ADGRG4: variants seen among roughly 807,000 people sequenced by gnomAD.
ADGRG4 encodes G protein-coupled receptor 112.
A neutral mutation model predicts 126.2 loss-of-function variants in ADGRG4; 122 were observed. The ratio of observed to expected loss-of-function variants is 0.97; its 90% confidence interval spans 0.83 to 1.12. The LOEUF (loss-of-function observed/expected upper bound fraction) is 1.12, where lower values mean the gene tolerates loss of function less well. ADGRG4 is among the 50% of genes most tolerant of loss of function. ADGRG4 has a pLI of 0.00. For missense variants in ADGRG4, 2,481 were observed against 2,251.8 expected, an observed-to-expected ratio of 1.10 and a Z score of -2.06; for synonymous variants, 943 against 838.7, an observed-to-expected ratio of 1.12 and a Z score of -2.15.
intron 8 of ADGRG4, among the ~76,000 whole-genome samples, chrX:136,355,300 C>T (rs979702308): frequency 3.6e-5 from 4 of 110,546 alleles, no homozygotes; most frequent in African/African-American, 1.3e-4. Flanking sequence ...ATGAGAGTTC[C>T]ACCTTCATGA....
At position 136,348,904 on chromosome X, in the gene ADGRG4, C is replaced by T; in HGVS notation, c.5198C>T (p.Thr1733Ile). 1 of 1,203,089 alleles carries T rather than the reference C, an allele frequency of 8.3e-7. No homozygotes were observed. The highest frequency in any genetic ancestry group is 1.1e-6 in the Non-Finnish European group (1 of 888,601). The change falls in exon 6 of 26, where the codon ACA becomes ATA. Residue 1733 changes from threonine (T) to isoleucine (I), a missense_variant. Thr to Ile is a moderately conservative substitution (Grantham distance 89). Transcript: ENST00000394143. Reference protein sequence around the residue: ...NRSLSTVNSGTGVALTDTYSR... With the variant: ...NRSLSTVNSGIGVALTDTYSR... ...TCCCTATCTACTGTGAACAGTGGTA[C>T]AGGGGTAGCTCTCACAGATACTTAT...
At chrX:136,314,093 C>G (rs1194196032) in intron 4 of ADGRG4, among the ~76,000 whole-genome samples, 1 of 110,829 alleles carries the variant, frequency 9.0e-6, no homozygotes, top group African/African-American at 3.3e-5. Flanking sequence ...TTTCTTCTCT[C>G]TCTCTCTTTT....
chrX:136,349,648 C>A lies in ADGRG4; in HGVS notation c.5942C>A (p.Ser1981Tyr), dbSNP rs752220636. 1 of 1,207,977 alleles carries A rather than the reference C, an allele frequency of 8.3e-7. No individual in the cohort carries two copies. The highest frequency in any genetic ancestry group is 1.8e-5 in the African/African-American group (1 of 56,882). Residue 1981 changes from serine (S) to tyrosine (Y), a missense_variant, in exon 6 of 26, where the codon TCT becomes TAT. Coordinates refer to ENST00000394143, the MANE Select transcript of ADGRG4 (RefSeq NM_153834.4). ...VKHTFEKMTTSVTPGTTLPSI... is the reference protein window; with the variant it reads ...VKHTFEKMTTYVTPGTTLPSI... ...CACACATTTGAGAAAATGACCACAT[C>A]TGTAACTCCTGGGACCACACTCCCA...
chrX:136,406,168 T>C lies in ADGRG4; in HGVS notation c.8935+196T>C, dbSNP rs755547090. ...TAACCCAACTTTAGGTAATTGGAAATGTCTATATCAAACACTGATTGGCAA... is the reference window on the plus strand; with the variant it reads ...TAACCCAACTTTAGGTAATTGGAAACGTCTATATCAAACACTGATTGGCAA... On this transcript the variant is annotated intron_variant, in intron 23 of 25. Transcript: ENST00000394143. Among the ~76,000 whole-genome samples, 11 of 112,466 alleles carry C rather than the reference T, an allele frequency of 9.8e-5. No homozygotes were observed. The South Asian group carries it at 4.1e-3, about 42-fold the overall frequency.
chrX:136,409,396 T>A (rs992447231), intron 23 of ADGRG4, among the ~76,000 whole-genome samples: 3 of 111,501 alleles, frequency 2.7e-5, no homozygotes, highest in African/African-American at 9.8e-5. Flanking sequence ...TCATTGGAAT[T>A]CACAGAATAA....
intron 15 of ADGRG4, among the ~76,000 whole-genome samples, chrX:136,385,315 A>G (rs1239363137): frequency 2.7e-5 from 3 of 111,764 alleles, no homozygotes; most frequent in Non-Finnish European, 5.6e-5. Context: ...ATGTGAGACC[A>G]TGGATATGTT....
At chrX:136,335,486 A>T (rs924665047) in intron 5 of ADGRG4, among the ~76,000 whole-genome samples, 2 of 110,988 alleles carry the variant, frequency 1.8e-5, no homozygotes, top group African/African-American at 6.5e-5. Flanking sequence ...CAGTGAAATC[A>T]TGTGGGCCTG....
rs142624078 is a variant in ADGRG4, at chrX:136,403,043, G to A, written c.8576-201G>A. On this transcript the variant is annotated intron_variant, in intron 21 of 25. Coordinates refer to ENST00000394143, the MANE Select transcript of ADGRG4 (RefSeq NM_153834.4). Reference sequence around the variant, plus strand: ...GTTGTATTGGAGCCATTGGCATGCTGTCTAGTTTAGCAGATTGGAGAACTC... The same window carrying A: ...GTTGTATTGGAGCCATTGGCATGCTATCTAGTTTAGCAGATTGGAGAACTC... 5.8e-3 allele frequency among the ~76,000 whole-genome samples: 652 copies of A among 112,637 alleles called. 2 individuals carry two copies. Among genetic ancestry groups the A allele is most frequent in the African/African-American group, 0.02 (614 of 30,984 alleles).
At chrX:136,373,092 C>T (rs934090066) in intron 15 of ADGRG4, 28 bp downstream of exon 15, 2 of 1,152,586 alleles carry the variant, frequency 1.7e-6, no homozygotes, top group South Asian at 2.0e-5. Flanking sequence ...AACTGAGAGC[C>T]AATCAGCCAA....
At chrX:136,333,965 C>T (rs1175679080) in intron 5 of ADGRG4, among the ~76,000 whole-genome samples, 1 of 111,543 alleles carries the variant, frequency 9.0e-6, no homozygotes, top group Non-Finnish European at 1.9e-5. Context: ...AAGATTTTCT[C>T]CTATATTTTT....
rs2075050777 is a variant in ADGRG4, at chrX:136,350,053, A to G, written c.6347A>G (p.Asn2116Ser). Residue 2116 changes from asparagine (N) to serine (S), a missense_variant, in exon 6 of 26, where the codon AAC (asparagine) becomes AGC (serine). Coordinates refer to ENST00000394143, the MANE Select transcript of ADGRG4 (RefSeq NM_153834.4). ...TCCTCCAGAACCACAATAACTGCCA[A>G]CCCCAGGACTGTGTCTCATCCTTCA... is the stretch of plus-strand genomic sequence containing the variant. ...EASSRTTITA[N>S]PRTVSHPSSF... 5.0e-6 allele frequency: 6 copies of G among 1,210,644 alleles called. No homozygotes were observed. Among genetic ancestry groups the G allele is most frequent in the Non-Finnish European group, 6.7e-6 (6 of 894,958 alleles).
chrX:136,391,180 T>A (rs1341566818), intron 16 of ADGRG4, among the ~76,000 whole-genome samples: 3 of 111,607 alleles, frequency 2.7e-5, no homozygotes, highest in Non-Finnish European at 5.7e-5. Context: ...ATATGAAGCC[T>A]TGGCATCTTC....
chrX:136,393,533 A>G lies in ADGRG4; in HGVS notation c.8035-2A>G, dbSNP rs150336683. 20 of 1,198,815 alleles carry G rather than the reference A, an allele frequency of 1.7e-5. No homozygotes were observed. Among genetic ancestry groups the G allele is most frequent in the Non-Finnish European group, 2.3e-5 (20 of 886,606 alleles). ...GTTTACCTCTGATTTCTTTTTTTCC[A>G]GAATTATGGTCAAGTTCACTGTGCC... On this transcript the variant is annotated splice_acceptor_variant, in intron 17 of 25. Coordinates refer to ENST00000394143, the MANE Select transcript of ADGRG4 (RefSeq NM_153834.4). LOFTEE classifies it high-confidence loss of function.
Position 136,346,633 on chromosome X carries a change from C to T in ADGRG4, c.2927C>T (p.Thr976Ile), listed in dbSNP as rs777037368. ...GCTTCTACCACAAGGATATCAGAAACCAGTTTCTCCACTACCCCTACAGAC... is the reference window on the plus strand; with the variant it reads ...GCTTCTACCACAAGGATATCAGAAATCAGTTTCTCCACTACCCCTACAGAC... ...LGASTTRISE[T>I]SFSTTPTDRT... Residue 976 changes from threonine (T) to isoleucine (I), a missense_variant, in exon 6 of 26, where the codon ACC (threonine) becomes ATC (isoleucine). Thr to Ile is a moderately conservative substitution (Grantham distance 89). Coordinates refer to ENST00000394143, the MANE Select transcript of ADGRG4 (RefSeq NM_153834.4). 2 of 1,208,268 alleles carry T rather than the reference C, an allele frequency of 1.7e-6. No individual in the cohort carries two copies. Among genetic ancestry groups the T allele is most frequent in the East Asian group, 5.9e-5 (2 of 33,730 alleles).
At chrX:136,371,903 C>T (rs1205968244) in intron 14 of ADGRG4, among the ~76,000 whole-genome samples, 7 of 111,471 alleles carry the variant, frequency 6.3e-5, no homozygotes, top group African/African-American at 2.3e-4. Context: ...AACAAGATCC[C>T]TCAAGGATAC....
Position 136,344,734 on chromosome X carries a change from C to A in ADGRG4, c.1028C>A (p.Thr343Lys), listed in dbSNP as rs201466383. ...AATACTACCAATTCCATGAAAAAAA[C>A]GAAATCTCCATCTTCAGAAAGCACA... Reference protein sequence around the residue: ...IDNTTNSMKKTKSPSSESTKT... With the variant: ...IDNTTNSMKKKKSPSSESTKT... Residue 343 changes from threonine (T) to lysine (K), a missense_variant, in exon 6 of 26, where the codon ACG (threonine) becomes AAG (lysine). Physicochemically the swap from Thr to Lys is moderately conservative, Grantham distance 78. Coordinates refer to ENST00000394143, the MANE Select transcript of ADGRG4 (RefSeq NM_153834.4). 1.7e-5 allele frequency: 21 copies of A among 1,207,333 alleles called. No individual in the cohort carries two copies. The highest frequency in any genetic ancestry group is 1.2e-4 in the East Asian group (4 of 33,744).
chrX:136,351,171 G>C (rs187904336), intron 6 of ADGRG4, among the ~76,000 whole-genome samples: 3 of 111,738 alleles, frequency 2.7e-5, no homozygotes, highest in East Asian at 5.7e-4. Context: ...TGGCCAATGA[G>C]AGTGGAGAAT....
intron 19 of ADGRG4, among the ~76,000 whole-genome samples, chrX:136,397,033 T>C (rs2075353332): frequency 9.0e-6 from 1 of 110,767 alleles, no homozygotes; most frequent in Non-Finnish European, 1.9e-5. Flanking sequence ...TCGTGATCTG[T>C]CCACCTCAGC....
In ADGRG4 at chrX:136,305,267, G is replaced by A. The variant is rs1470995201; in HGVS notation, c.-10+244G>A. 4.5e-5 allele frequency among the ~76,000 whole-genome samples: 5 copies of A among 111,848 alleles called. 1 individual carries two copies. The highest frequency in any genetic ancestry group is 3.8e-4 in the Admixed American group (4 of 10,578). ...CCTGGCCTTAAGCTGGGTCGACTCA[G>A]CCTCCTATTAGACTGAATTTTCTGT... On this transcript the variant is annotated intron_variant, in intron 3 of 25. Transcript: ENST00000394143.
Sources: allele counts gnomAD v4.1 joint callset (sites outside exome capture counted in the v4.1 genomes callset), GRCh38; gene constraint gnomAD v4.1.1; transcripts MANE v1.5; gene names NCBI Gene and HGNC (gene_info 2026-07-23, HGNC 2026-07-21).